Variants in RASA3 observed in about 807,000 individuals in gnomAD.
The protein encoded by RASA3 is RAS p21 protein activator 3.
RASA3 carries 73 observed loss-of-function variants against 110.0 expected under a neutral mutation model. The ratio of observed to expected loss-of-function variants is 0.66; its 90% CI spans 0.55 to 0.81. RASA3 has a LOEUF of 0.81. Ranked by LOEUF, RASA3 falls within the 30% of genes least tolerant of loss-of-function variation. RASA3 has a pLI of 0.00. For missense variants in RASA3, 976 were observed against 1,113.2 expected, an observed-to-expected ratio of 0.88 and a Z score of 1.75; for synonymous variants, 500 against 451.4, an observed-to-expected ratio of 1.11 and a Z score of -1.37.
At chr13:114,047,523 A>G (rs1251436568) in intron 3 of RASA3, among the ~76,000 whole-genome samples, 2 of 152,278 alleles carry the variant, frequency 1.3e-5, no homozygotes, top group South Asian at 4.1e-4. Context: ...CACACCCTAC[A>G]GTGACCCAGC....
intron 15 of RASA3, among the ~76,000 whole-genome samples, chr13:114,012,345 A>T (rs570126798): frequency 1.4e-5 from 2 of 145,324 alleles, no homozygotes; most frequent in African/African-American, 5.1e-5. Flanking sequence ...CTCCACACAC[A>T]CTCCACACGC....
At chr13:114,093,751 TTTC>T (rs2079913013) in intron 1 of RASA3, among the ~76,000 whole-genome samples, 1 of 150,072 alleles carries the variant, frequency 6.7e-6, no homozygotes, top group Non-Finnish European at 1.5e-5. Flanking sequence ...TTTCATTTTT[TTTC>T]TTTTTTCTTC....
chr13:114,053,845 G>T (rs988482589), intron 2 of RASA3, among the ~76,000 whole-genome samples: 4 of 152,098 alleles, frequency 2.6e-5, no homozygotes, highest in African/African-American at 9.7e-5. Flanking sequence ...AAGTGAAAAG[G>T]GCCAGTGCTG....
intron 4 of RASA3, among the ~76,000 whole-genome samples, chr13:114,040,752 A>G (rs2054385532): frequency 7.0e-6 from 1 of 143,672 alleles, no homozygotes. Flanking sequence ...AACATGCACA[A>G]CCCAAAATCC....
intron 3 of RASA3, among the ~76,000 whole-genome samples, chr13:114,043,844 GC>G (rs1566520312): frequency 7.8e-5 from 1 of 12,758 alleles, no homozygotes; most frequent in Non-Finnish European, 1.2e-4. Flanking sequence ...TGAGCCCCCC[GC>G]CCCGCCTCAC....
At chr13:114,075,474 C>T (rs61973927) in intron 1 of RASA3, among the ~76,000 whole-genome samples, 3 of 80,498 alleles carry the variant, frequency 3.7e-5, no homozygotes, top group East Asian at 3.4e-4. Flanking sequence ...CGTATCTCTG[C>T]GTGTGGAGGC....
intron 21 of RASA3, among the ~76,000 whole-genome samples, chr13:113,994,066 A>T (rs1464813520): frequency 6.6e-6 from 1 of 152,348 alleles, no homozygotes; most frequent in South Asian, 2.1e-4. Flanking sequence ...TAGCTAAAAC[A>T]ATTCTTAAAT....
At chr13:114,043,753 C>T (rs2078979431) in intron 3 of RASA3, among the ~76,000 whole-genome samples, 1 of 151,946 alleles carries the variant, frequency 6.6e-6, no homozygotes, top group South Asian at 2.1e-4. Flanking sequence ...ACCACGTGGA[C>T]TCCCTCCAAT....
intron 5 of RASA3, among the ~76,000 whole-genome samples, chr13:114,028,245 GCCA>G: frequency 6.6e-6 from 1 of 150,748 alleles, no homozygotes; most frequent in African/African-American, 2.4e-5. Context: ...CATCCTGGGG[GCCA>G]GGACCCCTAA....
At chr13:114,015,072 T>C in intron 14 of RASA3, 137 bp downstream of exon 14, 5 of 1,240,442 alleles carry the variant, frequency 4.0e-6, no homozygotes, top group Non-Finnish European at 5.6e-6. Context: ...CCCGGAAAAA[T>C]CCAGCATCGG....
chr13:114,031,980 C>T (rs934096410), intron 4 of RASA3, among the ~76,000 whole-genome samples: 1 of 152,156 alleles, frequency 6.6e-6, no homozygotes, highest in African/African-American at 2.4e-5. Context: ...ATTAAAAAAC[C>T]TTCGAGTTCC....
At chr13:114,012,106 A>C (rs1319874726) in intron 15 of RASA3, among the ~76,000 whole-genome samples, 2 of 151,986 alleles carry the variant, frequency 1.3e-5, no homozygotes, top group Non-Finnish European at 2.9e-5. Flanking sequence ...CTGTTGACTC[A>C]ATACACGGAT....
At chr13:114,030,246 G>C (rs773347366) in intron 4 of RASA3, among the ~76,000 whole-genome samples, 10 of 152,224 alleles carry the variant, frequency 6.6e-5, no homozygotes, top group Non-Finnish European at 1.2e-4. Flanking sequence ...TGTCCGTCGG[G>C]ACAAACCAGA....
chr13:114,004,982 A>G (rs1594304723), intron 18 of RASA3, among the ~76,000 whole-genome samples: 1 of 152,232 alleles, frequency 6.6e-6, no homozygotes, highest in Admixed American at 6.5e-5. Context: ...CGTGAACGGA[A>G]CTAGAGGTTG....
chr13:113,990,361 G>A (rs2053079312), intron 22 of RASA3, among the ~76,000 whole-genome samples: 2 of 152,226 alleles, frequency 1.3e-5, no homozygotes, highest in African/African-American at 4.8e-5. Flanking sequence ...AGCTGGAGCT[G>A]TGATGCGGGG....
chr13:114,025,203 C>A (rs890757451), intron 7 of RASA3, among the ~76,000 whole-genome samples: 1 of 152,256 alleles, frequency 6.6e-6, no homozygotes, highest in African/African-American at 2.4e-5. Flanking sequence ...AGGCTTGACA[C>A]CAAAATCATG....
intron 2 of RASA3, among the ~76,000 whole-genome samples, chr13:114,061,614 T>G (rs1455533280): frequency 2.0e-5 from 3 of 147,826 alleles, no homozygotes; most frequent in African/African-American, 7.5e-5. Context: ...GAGGCGGAGG[T>G]TGCAGTGAAC....
chr13:114,015,404 C>CAGGGAGGGGCGCGT (rs1474059218), intron 13 of RASA3, 72 bp from the exon 14 acceptor site: 1 of 1,581,958 alleles, frequency 6.3e-7, no homozygotes. Flanking sequence ...AGGGCACGCC[C>CAGGGAGGGGCGCGT]AGGGAGGGGC....
intron 16 of RASA3, 88 bp from the exon 17 acceptor site, chr13:114,009,552 C>A: frequency 1.1e-6 from 1 of 900,752 alleles, no homozygotes; most frequent in Non-Finnish European, 1.8e-6. Flanking sequence ...AAGAACTGTC[C>A]AAGCCTAAAT....
Sources: allele counts gnomAD v4.1 joint callset (sites outside exome capture counted in the v4.1 genomes callset), GRCh38; gene constraint gnomAD v4.1.1; transcripts MANE v1.5; gene names NCBI Gene and HGNC (gene_info 2026-07-23, HGNC 2026-07-21).